Variants in SAMD12 observed in about 807,000 individuals in gnomAD.
SAMD12 encodes sterile alpha motif domain-containing protein 12.
Under a neutral mutation model 15.0 loss-of-function variants are expected in SAMD12, and 9 were observed. That is an observed-to-expected ratio of 0.60 (90% CI 0.36 to 1.05). SAMD12 has a LOEUF of 1.05. Among genes scored for constraint, SAMD12 ranks in the 50% least tolerant of loss-of-function variants. The pLI is 0.01. For missense variants in SAMD12, 230 were observed against 234.2 expected (o/e 0.98, Z 0.12); for synonymous variants, 86 against 90.1 (o/e 0.96, Z 0.25).
At chr8:118,542,749 T>C (rs1826020228) in intron 2 of SAMD12, among the ~76,000 whole-genome samples, 1 of 152,266 alleles carries the variant, frequency 6.6e-6, no homozygotes, top group Non-Finnish European at 1.5e-5. Context: ...AAATGCATTT[T>C]ATTTCTATTT....
chr8:118,284,721 T>C, intron 4 of SAMD12: 1 of 172,590 alleles, frequency 5.8e-6, no homozygotes, highest in South Asian at 1.3e-4. Flanking sequence ...GGCGGGCAGA[T>C]CACGAGGTCA....
intron 2 of SAMD12, among the ~76,000 whole-genome samples, chr8:118,570,572 G>A (rs1287518783): frequency 2.6e-5 from 4 of 152,150 alleles, no homozygotes; most frequent in African/African-American, 9.7e-5. Context: ...AGTATTCCAT[G>A]GGGATATATA....
chr8:118,558,969 A>T (rs1378779583), intron 2 of SAMD12, among the ~76,000 whole-genome samples: 1 of 152,200 alleles, frequency 6.6e-6, no homozygotes, highest in Non-Finnish European at 1.5e-5. Flanking sequence ...ATTCTGACTC[A>T]TAGCTGCCTG....
chr8:118,547,079 T>C (rs934794262), intron 2 of SAMD12, among the ~76,000 whole-genome samples: 2 of 152,192 alleles, frequency 1.3e-5, no homozygotes, highest in Non-Finnish European at 2.9e-5. Context: ...AGCTCCAAGT[T>C]AGGTAACAGA....
chr8:118,187,713 A>T (rs1586322772), downstream of SAMD12, among the ~76,000 whole-genome samples: 1 of 152,264 alleles, frequency 6.6e-6, no homozygotes, highest in South Asian at 2.1e-4. Context: ...ATATAGGAGA[A>T]TCTGCCTACT....
chr8:118,318,207 C>T (rs929560834), intron 4 of SAMD12, among the ~76,000 whole-genome samples: 20 of 150,530 alleles, frequency 1.3e-4, no homozygotes, highest in Non-Finnish European at 2.4e-4. Context: ...GGTATCTACC[C>T]AAAGAAGTTA....
intron 2 of SAMD12, among the ~76,000 whole-genome samples, chr8:118,469,533 A>ATATAATATATATT (rs1823721142): frequency 1.3e-3 from 1 of 786 alleles, no homozygotes; most frequent in Non-Finnish European, 2.9e-3. Context: ...ATAATATATT[A>ATATAATATATATT]TATATATTAT....
At position 118,429,849 on chromosome 8, in the gene SAMD12, G is replaced by A. The variant is rs531198234; in HGVS notation, c.322+9983C>T. Among the ~76,000 whole-genome samples the A allele has an allele frequency of 3.7e-4, 57 of 152,176 alleles. 1 individual carries two copies. The highest frequency in any genetic ancestry group is 1.1e-3 in the African/African-American group (47 of 41,522). On this transcript the variant is annotated intron_variant, in intron 3 of 3. Coordinates refer to ENST00000314727, the MANE Select transcript of SAMD12 (RefSeq NM_207506.3). ...GCGGAGGTTGCAGTGAGCCAAGATCGTGTCACTGCACACCAGCCTGGCTGA... is the reference window on the plus strand; with the variant it reads ...GCGGAGGTTGCAGTGAGCCAAGATCATGTCACTGCACACCAGCCTGGCTGA...
chr8:118,196,511 AAAATT>A (rs1180001855), exon 5 of SAMD12: 2 of 152,164 alleles, frequency 1.3e-5, no homozygotes, highest in African/African-American at 4.8e-5. Flanking sequence ...TAAAAAAAAA[AAAATT>A]AGTCACAGGT....
At chr8:118,149,118 C>G in the SAMD12 span, among the ~76,000 whole-genome samples, 1 of 152,096 alleles carries the variant, frequency 6.6e-6, no homozygotes, top group Admixed American at 6.5e-5. Flanking sequence ...GAGACAAAGT[C>G]TTATTCTGTA....
At chr8:118,296,128 T>C (rs1814698369) in intron 4 of SAMD12, among the ~76,000 whole-genome samples, 1 of 152,184 alleles carries the variant, frequency 6.6e-6, no homozygotes, top group African/African-American at 2.4e-5. Flanking sequence ...AGGTTTGACA[T>C]TCACAATAAA....
chr8:118,610,423 T>C (rs376323584), intron 1 of SAMD12, among the ~76,000 whole-genome samples: 4 of 152,330 alleles, frequency 2.6e-5, no homozygotes, highest in East Asian at 1.9e-4. Context: ...GCAAGGACTC[T>C]GGCATACGGC....
intron 2 of SAMD12, among the ~76,000 whole-genome samples, chr8:118,457,582 G>A (rs933589616): frequency 6.6e-6 from 1 of 152,084 alleles, no homozygotes; most frequent in South Asian, 2.1e-4. Flanking sequence ...AAGCCAGACT[G>A]GTTATTTCCC....
intron 2 of SAMD12, among the ~76,000 whole-genome samples, chr8:118,547,021 G>GGCAAGCTTGTCC (rs1826149350): frequency 6.6e-6 from 1 of 152,180 alleles, no homozygotes; most frequent in Non-Finnish European, 1.5e-5. Flanking sequence ...AATGTTTACA[G>GGCAAGCTTGTCC]AATATTCAGA....
At chr8:118,413,442 CTTCT>C (rs376970277) in intron 3 of SAMD12, among the ~76,000 whole-genome samples, 28 of 152,026 alleles carry the variant, frequency 1.8e-4, no homozygotes, top group African/African-American at 6.5e-4. Context: ...TGTCCTTTAC[CTTCT>C]TTCTGCCTTT....
chr8:118,618,115 G>A (rs1041609629), intron 1 of SAMD12, among the ~76,000 whole-genome samples: 9 of 151,990 alleles, frequency 5.9e-5, no homozygotes, highest in East Asian at 3.9e-4. Context: ...GTTCTGTGGC[G>A]GGAAAGCATA....
At chr8:118,237,269 A>C (rs1812457123) in intron 4 of SAMD12, among the ~76,000 whole-genome samples, 1 of 151,908 alleles carries the variant, frequency 6.6e-6, no homozygotes, top group Non-Finnish European at 1.5e-5. Flanking sequence ...GATGGAAAAA[A>C]ATGACTAATG....
intron 2 of SAMD12, among the ~76,000 whole-genome samples, chr8:118,503,981 A>G (rs1267946427): frequency 6.6e-6 from 1 of 152,176 alleles, no homozygotes; most frequent in Non-Finnish European, 1.5e-5. Context: ...TAAATTTTGT[A>G]ATAGTTTTGT....
At chr8:118,517,017 T>C (rs1331531423) in intron 2 of SAMD12, among the ~76,000 whole-genome samples, 4 of 152,240 alleles carry the variant, frequency 2.6e-5, no homozygotes, top group African/African-American at 9.6e-5. Flanking sequence ...AAGTTCCATA[T>C]TCCAAAACAG....
Sources: gnomAD v4.1 joint callset for allele counts (sites outside exome capture counted in the v4.1 genomes callset) on GRCh38, gnomAD v4.1.1 for gene constraint, MANE v1.5 for transcripts, NCBI Gene and HGNC (gene_info 2026-07-23, HGNC 2026-07-21) for gene names.